TPTE2: variants seen among roughly 807,000 people sequenced by gnomAD.
The protein encoded by TPTE2 is phosphatidylinositol 3,4,5-trisphosphate 3-phosphatase TPTE2.
Under a neutral mutation model 78.6 loss-of-function variants are expected in TPTE2, and 53 were observed. That is an observed-to-expected ratio of 0.67 (90% CI 0.54 to 0.85). The LOEUF is 0.85. Among genes scored for constraint, TPTE2 ranks in the 40% least tolerant of loss-of-function variants. The pLI is 0.00. For missense variants in TPTE2, 461 were observed against 623.0 expected, an observed-to-expected ratio of 0.74 and a Z score of 2.77; for synonymous variants, 175 against 206.2, an observed-to-expected ratio of 0.85 and a Z score of 1.30.
At position 19,432,894 on chromosome 13, in the gene TPTE2, C is replaced by T. The variant is rs369028010; in HGVS notation, c.1117-316G>A. Among the ~76,000 whole-genome samples the T allele has an allele frequency of 3.8e-4, 57 of 151,746 alleles. 1 individual carries two copies. Among genetic ancestry groups the T allele is most frequent in the Middle Eastern group, 3.4e-3 (1 of 292 alleles). ...AGTTACAGCATCATCAGTGTCCAGA[C>T]AGAAGCTTAGTTGTGACTGAGTTAG... On this transcript the variant is annotated intron_variant, in intron 15 of 19. Coordinates refer to ENST00000400230, the Ensembl canonical transcript of TPTE2.
rs372566136 is a variant in TPTE2 at position 19,423,070 on chromosome 13, C to T, written c.1561G>A (p.Glu521Lys). The T allele has an allele frequency of 6.9e-5, 112 of 1,612,146 alleles. No homozygotes were observed. The highest frequency in any genetic ancestry group is 8.6e-5 in the Non-Finnish European group (102 of 1,179,244). ...TACAACATCATTGGAAGTCATTTCT[C>T]GCCAAAAAGTATCTCCACAGCAAAT... Residue 521 changes from glutamate to lysine, a missense_variant, in exon 20 of 20, where the codon GAG becomes AAG. Coordinates refer to ENST00000400230, the Ensembl canonical transcript of TPTE2.
chr13:19,436,300 G>T (rs1217596410), exon 15 of TPTE2: 1 of 1,612,408 alleles, frequency 6.2e-7, no homozygotes, highest in African/African-American at 1.3e-5. Context: ...AAATAATATA[G>T]GCTTTCCTAC....
At chr13:19,470,809 A>T (rs965496387) in intron 6 of TPTE2, among the ~76,000 whole-genome samples, 2 of 152,100 alleles carry the variant, frequency 1.3e-5, no homozygotes, top group Non-Finnish European at 2.9e-5. Context: ...TATAGAAGTG[A>T]GCCACCACTT....
chr13:19,450,048 G>C (rs1054121172), intron 13 of TPTE2, 28 bp downstream of exon 16: 154 of 1,607,920 alleles, frequency 9.6e-5, no homozygotes, highest in Non-Finnish European at 1.2e-4. Context: ...CTTTAGAAAG[G>C]GAAAAATGAA....
chr13:19,503,693 G>C (rs1868781109), upstream of TPTE2, among the ~76,000 whole-genome samples: 1 of 152,128 alleles, frequency 6.6e-6, no homozygotes, highest in South Asian at 2.1e-4. Context: ...AGTAACTGCA[G>C]GTCTGAGTCA....
intron 10 of TPTE2, among the ~76,000 whole-genome samples, chr13:19,456,602 A>G (rs1388161181): frequency 6.6e-6 from 1 of 152,242 alleles, no homozygotes; most frequent in African/African-American, 2.4e-5. Context: ...AAAACTAACA[A>G]AAGTTGTAAA....
intron 8 of TPTE2, 22 bp from the exon 12 acceptor site, chr13:19,465,340 T>A: frequency 1.9e-6 from 3 of 1,613,824 alleles, no homozygotes; most frequent in Non-Finnish European, 2.5e-6. Flanking sequence ...AAATCATCAT[T>A]AGTTTGTGAA....
intron 13 of TPTE2, among the ~76,000 whole-genome samples, chr13:19,442,714 G>A (rs1238157349): frequency 6.6e-6 from 1 of 151,918 alleles, no homozygotes; most frequent in Non-Finnish European, 1.5e-5. Flanking sequence ...AAGCAATGTC[G>A]GGAATAAAAA....
intron 1 of TPTE2, among the ~76,000 whole-genome samples, chr13:19,498,900 A>C (rs1881571330): frequency 6.6e-6 from 1 of 152,118 alleles, no homozygotes; most frequent in Admixed American, 6.5e-5. Flanking sequence ...TATTCAGAAA[A>C]CCCATCTCAC....
At chr13:19,536,033 C>G (rs933026948) in intron 1 of TPTE2, among the ~76,000 whole-genome samples, 1 of 152,186 alleles carries the variant, frequency 6.6e-6, no homozygotes, top group African/African-American at 2.4e-5. Context: ...CAACTAATTT[C>G]TGCTTCAAAT....
intron 3 of TPTE2, among the ~76,000 whole-genome samples, chr13:19,488,629 C>T (rs1257879854): frequency 2.6e-5 from 4 of 152,208 alleles, no homozygotes; most frequent in Non-Finnish European, 5.9e-5. Context: ...GCTTCCTTAC[C>T]TCTCCCAGGC....
At chr13:19,491,229 T>C (rs188935452) in intron 3 of TPTE2, among the ~76,000 whole-genome samples, 1 of 152,334 alleles carries the variant, frequency 6.6e-6, no homozygotes, top group Non-Finnish European at 1.5e-5. Context: ...TCAAATTTTG[T>C]GGAAGGTCCC....
chr13:19,543,524 T>C, the TPTE2 span, among the ~76,000 whole-genome samples: 1 of 150,750 alleles, frequency 6.6e-6, no homozygotes, highest in African/African-American at 2.4e-5. Flanking sequence ...TCCGGCTAAT[T>C]TTTGTATTTT....
At chr13:19,492,353 T>G (rs1475287125) in intron 3 of TPTE2, among the ~76,000 whole-genome samples, 1 of 152,154 alleles carries the variant, frequency 6.6e-6, no homozygotes, top group Non-Finnish European at 1.5e-5. Flanking sequence ...AGCTCTGTTC[T>G]TTTTTTCCCA....
intron 10 of TPTE2, among the ~76,000 whole-genome samples, chr13:19,453,465 T>C (rs1023634672): frequency 1.3e-5 from 2 of 151,510 alleles, no homozygotes; most frequent in African/African-American, 2.4e-5. Context: ...AGTTAAGCTT[T>C]AGGGATTTTT....
At chr13:19,448,793 G>A (rs1001664524) in intron 13 of TPTE2, among the ~76,000 whole-genome samples, 17 of 152,130 alleles carry the variant, frequency 1.1e-4, no homozygotes, top group African/African-American at 4.1e-4. Context: ...CATATGATTT[G>A]GAGATTCCAC....
chr13:19,560,498 T>C, the TPTE2 span: 43 of 1,590,396 alleles, frequency 2.7e-5, no homozygotes, highest in South Asian at 4.8e-4. Context: ...ATTCATACTC[T>C]CTGCAGTACT....
intron 1 of TPTE2, among the ~76,000 whole-genome samples, chr13:19,496,293 A>G (rs1022110848): frequency 2.0e-5 from 3 of 152,202 alleles, no homozygotes; most frequent in Non-Finnish European, 4.4e-5. Context: ...CACATACTTC[A>G]CACCTATCTA....
intron 4 of TPTE2, among the ~76,000 whole-genome samples, chr13:19,477,738 C>A (rs992906415): frequency 2.0e-5 from 3 of 152,098 alleles, no homozygotes; most frequent in African/African-American, 7.2e-5. Context: ...TTTCAGTGTT[C>A]CCTGAAACTA....
Sources: gnomAD v4.1 joint callset for allele counts (sites outside exome capture counted in the v4.1 genomes callset) on GRCh38, gnomAD v4.1.1 for gene constraint, MANE v1.5 for transcripts, NCBI Gene and HGNC (gene_info 2026-07-23, HGNC 2026-07-21) for gene names.